The following FER variants were observed in gnomAD, a reference collection of about 807,000 sequenced individuals.
FER encodes the protein FER tyrosine kinase.
Under a neutral mutation model 111.0 loss-of-function variants are expected in FER, and 63 were observed. The observed-to-expected ratio is 0.57, with a 90% CI of 0.46 to 0.70. The LOEUF is 0.70. Ranked by LOEUF, FER falls within the 30% of genes least tolerant of loss-of-function variation. The pLI is 0.00. For synonymous variants in FER, 327 were observed against 313.9 expected, an observed-to-expected ratio of 1.04 and a Z score of -0.44; for missense variants, 914 against 954.0, an observed-to-expected ratio of 0.96 and a Z score of 0.55.
At chr5:108,932,956 T>G (rs1754909460) in intron 10 of FER, among the ~76,000 whole-genome samples, 1 of 152,034 alleles carries the variant, frequency 6.6e-6, no homozygotes, top group South Asian at 2.1e-4. Context: ...TCTTTTCTTG[T>G]AAATTTGTTT....
intron 13 of FER, among the ~76,000 whole-genome samples, chr5:109,016,692 C>G (rs1445162848): frequency 2.0e-5 from 3 of 151,968 alleles, no homozygotes; most frequent in Non-Finnish European, 4.4e-5. Context: ...TATGTGTATA[C>G]TTAGTCAATG....
intron 13 of FER, among the ~76,000 whole-genome samples, chr5:109,013,972 C>G (rs1465419029): frequency 6.6e-5 from 10 of 151,702 alleles, no homozygotes; most frequent in African/African-American, 2.4e-4. Context: ...ATTGTAGATT[C>G]TGGATATTAG....
intron 5 of FER, among the ~76,000 whole-genome samples, chr5:108,861,249 G>A (rs547458049): frequency 6.6e-6 from 1 of 152,178 alleles, no homozygotes; most frequent in South Asian, 2.1e-4. Context: ...TTCGCAAATG[G>A]CAAACACTTC....
chr5:108,918,111 T>TTTGACA (rs1167526393), intron 10 of FER, among the ~76,000 whole-genome samples: 1 of 152,154 alleles, frequency 6.6e-6, no homozygotes, highest in African/African-American at 2.4e-5. Flanking sequence ...AGAGCTACTA[T>TTTGACA]TTTGTCTCTA....
intron 5 of FER, among the ~76,000 whole-genome samples, chr5:108,843,709 A>G (rs1246821853): frequency 6.6e-6 from 1 of 151,768 alleles, no homozygotes; most frequent in Non-Finnish European, 1.5e-5. Context: ...TTGTATTTTT[A>G]GTAGAGATGG....
At chr5:108,835,348 C>A (rs1463335736) in intron 4 of FER, among the ~76,000 whole-genome samples, 7 of 151,772 alleles carry the variant, frequency 4.6e-5, no homozygotes, top group Admixed American at 2.0e-4. Flanking sequence ...TAGCCTGGCT[C>A]CTTTTTTGGT....
intron 3 of FER, among the ~76,000 whole-genome samples, chr5:108,803,513 G>A (rs1057042237): frequency 6.6e-6 from 1 of 152,240 alleles, no homozygotes; most frequent in Admixed American, 6.5e-5. Context: ...TTTGTACATG[G>A]TGAAAGGTAG....
chr5:109,062,436 G>C (rs575862406), intron 16 of FER, among the ~76,000 whole-genome samples: 4 of 152,214 alleles, frequency 2.6e-5, no homozygotes, highest in African/African-American at 9.6e-5. Flanking sequence ...TGAGGCAGCA[G>C]GATCGCTTGA....
At chr5:108,932,788 T>G (rs1754878571) in intron 10 of FER, among the ~76,000 whole-genome samples, 1 of 152,244 alleles carries the variant, frequency 6.6e-6, no homozygotes, top group South Asian at 2.1e-4. Context: ...TGATGAGCTT[T>G]TTTTTGTATG....
chr5:108,874,137 G>A (rs1764870118), intron 8 of FER, among the ~76,000 whole-genome samples: 1 of 152,138 alleles, frequency 6.6e-6, no homozygotes, highest in African/African-American at 2.4e-5. Context: ...TGATTAATAT[G>A]TTTTAATAAA....
At chr5:108,996,487 C>T (rs1763994181) in intron 13 of FER, among the ~76,000 whole-genome samples, 1 of 152,120 alleles carries the variant, frequency 6.6e-6, no homozygotes, top group African/African-American at 2.4e-5. Flanking sequence ...TAAGGCTAGC[C>T]AGTTTTCCCA....
chr5:108,826,377 T>G (rs919307331), intron 3 of FER, among the ~76,000 whole-genome samples: 1 of 152,182 alleles, frequency 6.6e-6, no homozygotes, highest in African/African-American at 2.4e-5. Flanking sequence ...CTGTGTTCAT[T>G]AGGGATATTG....
chr5:108,931,668 A>G (rs1432394909), intron 10 of FER, among the ~76,000 whole-genome samples: 1 of 152,096 alleles, frequency 6.6e-6, no homozygotes, highest in East Asian at 1.9e-4. Flanking sequence ...CGTCTCTACT[A>G]AAAATAGAAA....
chr5:108,966,313 A>G (rs553430306), intron 13 of FER, among the ~76,000 whole-genome samples: 33 of 151,970 alleles, frequency 2.2e-4, no homozygotes, highest in African/African-American at 8.0e-4. Flanking sequence ...AGGATTTGAT[A>G]TTTATAGCAC....
chr5:108,763,893 CTTGA>C (rs1453881918), intron 1 of FER, among the ~76,000 whole-genome samples: 2 of 152,116 alleles, frequency 1.3e-5, no homozygotes, highest in African/African-American at 4.8e-5. Context: ...GTTTGGGTTG[CTTGA>C]TTGTCTAGTA....
intron 14 of FER, among the ~76,000 whole-genome samples, chr5:109,039,942 G>T (rs190590020): frequency 2.1e-3 from 326 of 152,206 alleles, no homozygotes; most frequent in African/African-American, 7.3e-3. Flanking sequence ...GAACTTACCT[G>T]ACTAAAAGAT....
At chr5:109,167,412 C>A (rs1756666971) in intron 17 of FER, among the ~76,000 whole-genome samples, 1 of 152,142 alleles carries the variant, frequency 6.6e-6, no homozygotes, top group Non-Finnish European at 1.5e-5. Context: ...AATTCATCTG[C>A]ATAATAGAGA....
chr5:108,861,437 G>A (rs954869796), intron 5 of FER, among the ~76,000 whole-genome samples: 2 of 152,132 alleles, frequency 1.3e-5, no homozygotes, highest in Non-Finnish European at 2.9e-5. Flanking sequence ...TTGTCAACAA[G>A]TTGTGGCAAA....
chr5:108,905,025 G>T (rs984223719), intron 10 of FER, among the ~76,000 whole-genome samples: 7 of 152,000 alleles, frequency 4.6e-5, no homozygotes, highest in African/African-American at 1.7e-4. Flanking sequence ...GGTAAGCTAG[G>T]AGGTGATTAT....
Sources: gnomAD v4.1 joint callset for allele counts (sites outside exome capture counted in the v4.1 genomes callset) on GRCh38, gnomAD v4.1.1 for gene constraint, MANE v1.5 for transcripts, NCBI Gene and HGNC (gene_info 2026-07-23, HGNC 2026-07-21) for gene names.